FMN2: variants seen among roughly 807,000 people sequenced by gnomAD.
FMN2 encodes formin-2.
FMN2 carries 51 observed loss-of-function variants against 142.3 expected under a neutral mutation model. The observed-to-expected ratio is 0.36, with a 90% CI of 0.29 to 0.45. The LOEUF is 0.45. Ranked by LOEUF, FMN2 falls within the 20% of genes least tolerant of loss-of-function variation. The pLI is 1.00. For missense variants in FMN2, 1,936 were observed against 2,122.8 expected, an observed-to-expected ratio of 0.91 and a Z score of 1.73; for synonymous variants, 882 against 869.8, an observed-to-expected ratio of 1.01 and a Z score of -0.25.
intron 7 of FMN2, among the ~76,000 whole-genome samples, chr1:240,291,127 A>T (rs1293784399): frequency 1.3e-5 from 2 of 152,018 alleles, no homozygotes; most frequent in Non-Finnish European, 2.9e-5. Context: ...GTGATTAGTA[A>T]CACGTGGTCA....
chr1:240,370,570 T>C (rs545744504), intron 14 of FMN2, among the ~76,000 whole-genome samples: 10 of 152,282 alleles, frequency 6.6e-5, no homozygotes, highest in Non-Finnish European at 1.0e-4. Context: ...GTATTAGCCT[T>C]ATTCTTGATG....
intron 16 of FMN2, chr1:240,457,862 G>C (rs1394020525): frequency 6.6e-6 from 1 of 152,320 alleles, no homozygotes; most frequent in Admixed American, 6.5e-5. Context: ...GCCAAGTGAG[G>C]TCAGGCCTTT....
At chr1:240,163,177 T>C (rs1486493085) in intron 2 of FMN2, among the ~76,000 whole-genome samples, 2 of 152,236 alleles carry the variant, frequency 1.3e-5, no homozygotes, top group Non-Finnish European at 2.9e-5. Flanking sequence ...ATCAGTGTGC[T>C]GTGTATGCTT....
chr1:240,349,011 G>A (rs1474816764), intron 13 of FMN2, among the ~76,000 whole-genome samples: 2 of 152,134 alleles, frequency 1.3e-5, no homozygotes, highest in Non-Finnish European at 2.9e-5. Flanking sequence ...AACAAGTAAG[G>A]TTTGAGTCTA....
At chr1:240,216,910 C>T (rs565623455) in intron 6 of FMN2, among the ~76,000 whole-genome samples, 2 of 151,728 alleles carry the variant, frequency 1.3e-5, no homozygotes, top group East Asian at 3.9e-4. Flanking sequence ...GATCGCGCCA[C>T]TACACTCCAG....
chr1:240,228,303 C>CAAAAAAAA lies in FMN2; in HGVS notation c.4065+17090_4065+17097dup, dbSNP rs577421634. 4.6e-3 allele frequency among the ~76,000 whole-genome samples: 220 copies of CAAAAAAAA among 47,718 alleles called. 4 individuals carry two copies. Among genetic ancestry groups the CAAAAAAAA allele is most frequent in the Non-Finnish European group, 7.6e-3 (171 of 22,454 alleles). 31.3% of individuals were successfully genotyped at this position (47,718 alleles called of 152,430 possible). ...GGGCAACAAGAGTGAAACTCTGTCT[C>CAAAAAAAA]AAAAAAAAAAAAAAAAAAAAAAAAA... On this transcript the variant is annotated intron_variant, in intron 6 of 17. Transcript: ENST00000319653.
chr1:240,425,204 TGAGAGA>T (rs142399934), intron 15 of FMN2, among the ~76,000 whole-genome samples: 270 of 134,942 alleles, frequency 2.0e-3, no homozygotes, highest in African/African-American at 6.5e-3. Flanking sequence ...TTGAATGAGG[TGAGAGA>T]GAGAGAGAGA....
At chr1:240,442,311 G>T (rs371496435) in intron 16 of FMN2, among the ~76,000 whole-genome samples, 41 of 152,266 alleles carry the variant, frequency 2.7e-4, no homozygotes, top group African/African-American at 8.9e-4. Context: ...AAATACCAGG[G>T]AGGAACTCCA....
intron 15 of FMN2, among the ~76,000 whole-genome samples, chr1:240,394,519 T>C (rs1403179235): frequency 2.6e-5 from 4 of 152,204 alleles, no homozygotes; most frequent in Non-Finnish European, 4.4e-5. Context: ...CAACAAGTGC[T>C]GATGGACAAG....
At chr1:240,114,231 C>T (rs76430228) in intron 1 of FMN2, among the ~76,000 whole-genome samples, 3,774 of 152,216 alleles carry the variant, frequency 0.025, 146 homozygotes, top group African/African-American at 0.086. Flanking sequence ...TTAAAGTATG[C>T]TACAATGTCA....
In FMN2 at chr1:240,184,236, C is replaced by CTTTTTTTTTTTTTT. The variant is rs34050336; in HGVS notation, c.1931-3960_1931-3947dup. Among the ~76,000 whole-genome samples the CTTTTTTTTTTTTTT allele has an allele frequency of 5.0e-4, 40 of 79,450 alleles. 2 individuals are homozygous for CTTTTTTTTTTTTTT. The highest frequency in any genetic ancestry group is 1.4e-3 in the African/African-American group (29 of 20,012). The allele number at this position is 79,450 out of a possible 152,430, so 52.1% of individuals were successfully genotyped here. A position where few individuals can be genotyped will look rare whatever the true frequency, so the allele number is the denominator to read the frequency against. On this transcript the variant is annotated intron_variant, in intron 3 of 17. Coordinates refer to ENST00000319653, the MANE Select transcript of FMN2 (RefSeq NM_020066.5). ...AACTTTTTAAAATGGAATATTTAAC[C>CTTTTTTTTTTTTTT]TTTTTTTTTTTTTTTTTTTTTTTTG...
At chr1:240,121,038 G>A (rs1662219298) in intron 1 of FMN2, among the ~76,000 whole-genome samples, 1 of 152,172 alleles carries the variant, frequency 6.6e-6, no homozygotes, top group African/African-American at 2.4e-5. Context: ...GTGCATGCCT[G>A]TAGTCCCAGC....
chr1:240,344,698 A>T (rs1248408307), intron 13 of FMN2, among the ~76,000 whole-genome samples: 1 of 152,258 alleles, frequency 6.6e-6, no homozygotes, highest in Non-Finnish European at 1.5e-5. Flanking sequence ...TATTAGAAAA[A>T]ATAACAAAAT....
chr1:240,231,008 C>T (rs993387261), intron 6 of FMN2, among the ~76,000 whole-genome samples: 1 of 131,718 alleles, frequency 7.6e-6, no homozygotes, highest in Non-Finnish European at 1.6e-5. Flanking sequence ...AGGAAAGACA[C>T]AGTAACTTGT....
chr1:240,339,027 T>C lies in FMN2; in HGVS notation c.4765+4798T>C, dbSNP rs114428534. Among the ~76,000 whole-genome samples, 934 of 152,246 alleles carry C rather than the reference T, an allele frequency of 6.1e-3. 12 individuals carry two copies. Among genetic ancestry groups the C allele is most frequent in the African/African-American group, 0.021 (873 of 41,550 alleles). ...GGTCCTGGCTCCTATGAGAGTCTAA[T>C]GCTGCAGCTGATCTGACAGGAGGCG... On this transcript the variant is annotated intron_variant, in intron 13 of 17. Transcript: ENST00000319653.
intron 16 of FMN2, chr1:240,458,979 C>A (rs531017646): frequency 6.6e-6 from 1 of 152,228 alleles, no homozygotes; most frequent in Admixed American, 6.5e-5. Context: ...GAATTAAAAT[C>A]ATCTCTACTA....
At chr1:240,339,999 A>G (rs1466347414) in intron 13 of FMN2, among the ~76,000 whole-genome samples, 3 of 152,144 alleles carry the variant, frequency 2.0e-5, no homozygotes, top group African/African-American at 7.2e-5. Context: ...TGTATACTAT[A>G]CAATTTTATA....
At position 240,468,206 on chromosome 1, in the gene FMN2, A is replaced by ATGTGTGTGTGTG. The variant is rs199866888; in HGVS notation, c.5061-4150_5061-4139dup. ...AATGCATCCACTAAAATATATATATATGTGTGTGTGTGTGTGTGTGTGTGT... is the reference window on the plus strand; with the variant it reads ...AATGCATCCACTAAAATATATATATATGTGTGTGTGTGTGTGTGTGTGTGTGTGTGTGTGTGT... On this transcript the variant is annotated intron_variant, in intron 16 of 17. Transcript: ENST00000319653. Among the ~76,000 whole-genome samples the ATGTGTGTGTGTG allele has an allele frequency of 6.7e-3, 998 of 147,952 alleles. 15 individuals are homozygous for ATGTGTGTGTGTG. Among genetic ancestry groups the ATGTGTGTGTGTG allele is most frequent in the African/African-American group, 0.018 (708 of 39,968 alleles).
rs1669041358 is a variant in FMN2, at chr1:240,272,221, G to A, written c.4153+14189G>A. 2.6e-5 allele frequency among the ~76,000 whole-genome samples: 4 copies of A among 152,162 alleles called. 1 individual carries two copies. The South Asian group carries it at 8.3e-4, about 31-fold the overall frequency. On this transcript the variant is annotated intron_variant, in intron 7 of 17. Coordinates refer to ENST00000319653, the MANE Select transcript of FMN2 (RefSeq NM_020066.5). ...ATGTTGCATCTGTTCTTTAAGATCA[G>A]TGGGTGACTGCGAATGGAATTGTCC...
Sources: gnomAD v4.1 joint callset for allele counts (sites outside exome capture counted in the v4.1 genomes callset) on GRCh38, gnomAD v4.1.1 for gene constraint, MANE v1.5 for transcripts, NCBI Gene and HGNC (gene_info 2026-07-23, HGNC 2026-07-21) for gene names.